Variants in FSTL5 observed in about 807,000 individuals in gnomAD.
The protein encoded by FSTL5 is follistatin like 5, also known as follistatin-related protein 5.
A neutral mutation model predicts 89.1 loss-of-function variants in FSTL5; 62 were observed. The observed-to-expected ratio is 0.70, with a 90% CI of 0.57 to 0.86. The LOEUF (loss-of-function observed/expected upper bound fraction) is 0.86. Ranked by LOEUF, FSTL5 falls within the 40% of genes least tolerant of loss-of-function variation. The pLI, the probability that FSTL5 is intolerant of heterozygous loss-of-function variation, is 0.00. For missense variants in FSTL5, 1,057 were observed against 1,001.6 expected, an observed-to-expected ratio of 1.06 and a Z score of -0.75; for synonymous variants, 383 against 346.2, an observed-to-expected ratio of 1.11 and a Z score of -1.18.
chr4:161,558,043 C>G (rs2126566571), intron 8 of FSTL5, among the ~76,000 whole-genome samples: 1 of 151,920 alleles, frequency 6.6e-6, no homozygotes, highest in Admixed American at 6.6e-5. Context: ...CCATAGAACA[C>G]TATACAGCAA....
At chr4:162,159,241 G>A (rs1372510631) in intron 1 of FSTL5, among the ~76,000 whole-genome samples, 1 of 152,014 alleles carries the variant, frequency 6.6e-6, no homozygotes, top group African/African-American at 2.4e-5. Context: ...AGGTGTGTAT[G>A]TTTTAATTGC....
At chr4:162,154,843 G>C (rs894141251) in intron 1 of FSTL5, among the ~76,000 whole-genome samples, 6 of 151,778 alleles carry the variant, frequency 4.0e-5, no homozygotes, top group Admixed American at 6.6e-5. Context: ...AAGTTTCTAG[G>C]CTTCTTCCTA....
intron 1 of FSTL5, among the ~76,000 whole-genome samples, chr4:162,124,613 A>C (rs1037407156): frequency 6.6e-6 from 1 of 152,230 alleles, no homozygotes; most frequent in Admixed American, 6.5e-5. Context: ...GCCCTTGAAC[A>C]GCCAGAGAGC....
At position 161,954,675 on chromosome 4, in the gene FSTL5, A is replaced by T. The variant is rs1020481664; in HGVS notation, c.161-34023T>A. 2.0e-5 allele frequency among the ~76,000 whole-genome samples: 3 copies of T among 151,652 alleles called. No homozygotes were observed. The East Asian group carries it at 5.8e-4, about 29-fold the overall frequency. The stretch of plus-strand genomic sequence containing the variant: ...CTTGGTTTCATATTCCAGTAAGGCA[A>T]GTTTGTCCTTTGTTCCTTCCTTCTT... On this transcript the variant is annotated intron_variant, in intron 3 of 15. Coordinates refer to ENST00000306100, the MANE Select transcript of FSTL5 (RefSeq NM_020116.5).
chr4:161,533,953 C>T (rs887538679), intron 10 of FSTL5, among the ~76,000 whole-genome samples: 10 of 151,798 alleles, frequency 6.6e-5, no homozygotes, highest in Non-Finnish European at 1.5e-4. Context: ...ATGTAATTCA[C>T]CACACAAATA....
chr4:161,459,467 G>A, intron 13 of FSTL5, 148 bp from the exon 14 acceptor site: 1 of 526,830 alleles, frequency 1.9e-6, no homozygotes, highest in South Asian at 2.9e-5. Flanking sequence ...TTTGATATTT[G>A]AAAATATCAT....
At chr4:162,096,241 C>T (rs1250915205) in intron 2 of FSTL5, among the ~76,000 whole-genome samples, 1 of 151,832 alleles carries the variant, frequency 6.6e-6, no homozygotes, top group Non-Finnish European at 1.5e-5. Context: ...AGACTTGATT[C>T]ATGGAACTAG....
chr4:161,629,414 T>G (rs1328419330), intron 7 of FSTL5, among the ~76,000 whole-genome samples: 2 of 152,006 alleles, frequency 1.3e-5, no homozygotes, highest in Non-Finnish European at 2.9e-5. Flanking sequence ...ATGATCTCGG[T>G]TCACTGCAAC....
chr4:161,656,751 C>G (rs1340862992), intron 6 of FSTL5, among the ~76,000 whole-genome samples: 7 of 152,078 alleles, frequency 4.6e-5, no homozygotes, highest in Non-Finnish European at 4.4e-5. Context: ...TTATAATAAG[C>G]CTGGCAGATT....
intron 4 of FSTL5, among the ~76,000 whole-genome samples, chr4:161,820,495 A>G (rs1028648380): frequency 1.3e-5 from 2 of 152,188 alleles, no homozygotes; most frequent in African/African-American, 4.8e-5. Context: ...TCTGCTCACC[A>G]AACCCATTTC....
At chr4:161,770,380 T>C (rs777697969) in intron 5 of FSTL5, among the ~76,000 whole-genome samples, 18 of 152,096 alleles carry the variant, frequency 1.2e-4, no homozygotes, top group Non-Finnish European at 2.5e-4. Context: ...AAAGGATAGA[T>C]GCTTGAGGTG....
chr4:161,624,312 T>C (rs539494224), intron 7 of FSTL5, among the ~76,000 whole-genome samples: 2 of 152,086 alleles, frequency 1.3e-5, no homozygotes, highest in East Asian at 3.9e-4. Flanking sequence ...CCAAACAGGA[T>C]CACTATTTTT....
intron 3 of FSTL5, among the ~76,000 whole-genome samples, chr4:161,943,273 A>T (rs1578880224): frequency 6.6e-6 from 1 of 151,930 alleles, no homozygotes; most frequent in South Asian, 2.1e-4. Flanking sequence ...TAGCTTTCTA[A>T]TAGTAATATA....
chr4:161,459,170 T>TC (rs1453158835), intron 14 of FSTL5, 42 bp downstream of exon 14: 3 of 1,156,044 alleles, frequency 2.6e-6, no homozygotes, highest in Non-Finnish European at 3.9e-6. Flanking sequence ...GTTGAAAGCT[T>TC]TAAAGATTGT....
At chr4:161,493,479 A>G (rs919175738) in intron 12 of FSTL5, among the ~76,000 whole-genome samples, 1 of 151,856 alleles carries the variant, frequency 6.6e-6, no homozygotes, top group South Asian at 2.1e-4. Flanking sequence ...CCGTGAATAT[A>G]TATTACCTTG....
intron 4 of FSTL5, among the ~76,000 whole-genome samples, chr4:161,790,760 G>A (rs1441238606): frequency 1.3e-5 from 2 of 152,158 alleles, no homozygotes; most frequent in Non-Finnish European, 2.9e-5. Context: ...AATGGAAATG[G>A]TGTCAGATTT....
chr4:161,844,666 A>G (rs1731312500), intron 4 of FSTL5, among the ~76,000 whole-genome samples: 1 of 152,162 alleles, frequency 6.6e-6, no homozygotes, highest in African/African-American at 2.4e-5. Context: ...GGAAACCATC[A>G]TTCTCAGCAA....
chr4:161,595,491 T>C (rs1733983424), intron 7 of FSTL5, among the ~76,000 whole-genome samples: 1 of 152,072 alleles, frequency 6.6e-6, no homozygotes, highest in South Asian at 2.1e-4. Flanking sequence ...CAAAATCGTT[T>C]ATTTTGTTGA....
chr4:161,845,878 G>A (rs143096925), intron 4 of FSTL5, among the ~76,000 whole-genome samples: 71 of 151,818 alleles, frequency 4.7e-4, no homozygotes, highest in African/African-American at 1.6e-3. Context: ...AAACTCCATC[G>A]CTACTAAAAA....
Sources: gnomAD v4.1 joint callset for allele counts (sites outside exome capture counted in the v4.1 genomes callset) on GRCh38, gnomAD v4.1.1 for gene constraint, MANE v1.5 for transcripts, NCBI Gene and HGNC (gene_info 2026-07-23, HGNC 2026-07-21) for gene names.